SFXN1: variants seen among roughly 807,000 people sequenced by gnomAD.
The protein encoded by SFXN1 is sideroflexin-1.
In SFXN1, 32 loss-of-function variants were observed where a neutral mutation model predicts 39.5. The ratio of observed to expected loss-of-function variants is 0.81; its 90% CI spans 0.61 to 1.09. The LOEUF is 1.09. Ranked by LOEUF, SFXN1 falls within the 50% of genes least tolerant of loss-of-function variation. The pLI is 0.00. For missense variants in SFXN1, 402 were observed against 407.1 expected (o/e 0.99, Z 0.11); for synonymous variants, 136 against 146.5 (o/e 0.93, Z 0.52).
At chr5:175,496,300 G>A (rs771614182) in intron 2 of SFXN1, among the ~76,000 whole-genome samples, 1 of 151,864 alleles carries the variant, frequency 6.6e-6, no homozygotes, top group Non-Finnish European at 1.5e-5. Context: ...CTTGAACCCG[G>A]GAGGCAGAGG....
At chr5:175,507,259 C>T (rs866047106) in intron 2 of SFXN1, among the ~76,000 whole-genome samples, 5 of 151,994 alleles carry the variant, frequency 3.3e-5, no homozygotes, top group Non-Finnish European at 7.4e-5. Context: ...TCCAGTATGC[C>T]GTTTGGCATT....
intron 7 of SFXN1, chr5:175,513,845 TG>T: frequency 3.0e-6 from 1 of 332,562 alleles, no homozygotes; most frequent in Non-Finnish European, 5.8e-6. Context: ...GTGAGCCAAG[TG>T]GGTATCGGTG....
chr5:175,494,511 G>A (rs1193441946), intron 2 of SFXN1, among the ~76,000 whole-genome samples: 2 of 152,158 alleles, frequency 1.3e-5, no homozygotes, highest in Non-Finnish European at 2.9e-5. Flanking sequence ...ACTTTGGGAG[G>A]CCAAGGTGGG....
chr5:175,510,437 G>A (rs925534949), intron 4 of SFXN1: 4 of 478,634 alleles, frequency 8.4e-6, no homozygotes, highest in South Asian at 2.2e-5. Flanking sequence ...GACATTACTC[G>A]TGCCTTTGGA....
At chr5:175,496,594 T>G (rs1759868223) in intron 2 of SFXN1, among the ~76,000 whole-genome samples, 2 of 152,190 alleles carry the variant, frequency 1.3e-5, no homozygotes, top group African/African-American at 4.8e-5. Flanking sequence ...CTTAATAATT[T>G]ACTAACATAA....
chr5:175,514,555 C>A (rs1006305122), intron 7 of SFXN1, among the ~76,000 whole-genome samples: 1 of 152,146 alleles, frequency 6.6e-6, no homozygotes, highest in Non-Finnish European at 1.5e-5. Flanking sequence ...GCAAACAGCG[C>A]TTGGCAATTA....
intron 8 of SFXN1, among the ~76,000 whole-genome samples, chr5:175,520,909 G>A (rs983042747): frequency 6.6e-6 from 1 of 151,976 alleles, no homozygotes; most frequent in Non-Finnish European, 1.5e-5. Flanking sequence ...AACCTGTGAA[G>A]ACTAGTTTCC....
At chr5:175,520,886 G>A (rs1408288094) in intron 8 of SFXN1, among the ~76,000 whole-genome samples, 1 of 151,980 alleles carries the variant, frequency 6.6e-6, no homozygotes, top group Non-Finnish European at 1.5e-5. Flanking sequence ...TGAGGAGAGG[G>A]GCCCCTCTGT....
chr5:175,494,346 C>T (rs1443537105), intron 2 of SFXN1, among the ~76,000 whole-genome samples: 2 of 152,220 alleles, frequency 1.3e-5, no homozygotes, highest in East Asian at 1.9e-4. Context: ...TTCATCTCTA[C>T]GCTGAATGCC....
At chr5:175,525,700 C>G (rs1761037505) in intron 10 of SFXN1, 6 of 152,314 alleles carry the variant, frequency 3.9e-5, no homozygotes, top group Admixed American at 2.6e-4. Flanking sequence ...CCTTGAACTT[C>G]TGGGCTCGAG....
intron 8 of SFXN1, among the ~76,000 whole-genome samples, chr5:175,519,183 A>G (rs1363097376): frequency 6.6e-6 from 1 of 152,218 alleles, no homozygotes; most frequent in Non-Finnish European, 1.5e-5. Flanking sequence ...AATGTCAAAA[A>G]CTAAAAAGAT....
chr5:175,520,273 A>C (rs1291457764), intron 8 of SFXN1, among the ~76,000 whole-genome samples: 6 of 151,988 alleles, frequency 3.9e-5, no homozygotes, highest in Non-Finnish European at 8.8e-5. Context: ...TACTCTCTTT[A>C]ATTCATTTGG....
At chr5:175,478,868 T>C (rs1010065123) in intron 1 of SFXN1, among the ~76,000 whole-genome samples, 1 of 150,324 alleles carries the variant, frequency 6.7e-6, no homozygotes, top group African/African-American at 2.4e-5. Context: ...AACACCACGC[T>C]TCCAGCATCC....
intron 2 of SFXN1, among the ~76,000 whole-genome samples, chr5:175,508,783 G>A (rs1230957348): frequency 3.9e-5 from 6 of 151,914 alleles, no homozygotes; most frequent in South Asian, 2.1e-4. Flanking sequence ...GATTACAGGC[G>A]GGTGCCACCG....
At chr5:175,522,296 G>C in intron 9 of SFXN1, 79 bp from the exon 10 acceptor site, 1 of 1,383,474 alleles carries the variant, frequency 7.2e-7, no homozygotes, top group South Asian at 1.4e-5. Context: ...AGAAGGGATT[G>C]TTATAAAAGT....
chr5:175,496,643 T>C (rs903157983), intron 2 of SFXN1, among the ~76,000 whole-genome samples: 17 of 152,200 alleles, frequency 1.1e-4, no homozygotes, highest in African/African-American at 2.9e-4. Flanking sequence ...TCAAAGACTT[T>C]AAAATTGGGT....
chr5:175,488,365 C>T (rs1332158640), intron 1 of SFXN1, among the ~76,000 whole-genome samples: 2 of 151,490 alleles, frequency 1.3e-5, no homozygotes, highest in Admixed American at 6.6e-5. Context: ...TGCAATGGCA[C>T]GATCTCGGCT....
At chr5:175,480,356 G>T (rs1032581064) in intron 1 of SFXN1, among the ~76,000 whole-genome samples, 1 of 152,068 alleles carries the variant, frequency 6.6e-6, no homozygotes, top group East Asian at 1.9e-4. Flanking sequence ...AGCCGAGATC[G>T]CGCCACTGCA....
intron 3 of SFXN1, among the ~76,000 whole-genome samples, chr5:175,509,680 T>C (rs545501320): frequency 2.6e-5 from 4 of 152,140 alleles, no homozygotes; most frequent in Non-Finnish European, 5.9e-5. Context: ...CATATAGATA[T>C]AGGTATAGGT....
Sources: allele counts gnomAD v4.1 joint callset (sites outside exome capture counted in the v4.1 genomes callset), GRCh38; gene constraint gnomAD v4.1.1; transcripts MANE v1.5; gene names NCBI Gene and HGNC (gene_info 2026-07-23, HGNC 2026-07-21).